MRNIP: variants seen among roughly 807,000 people sequenced by gnomAD.
MRNIP encodes the protein MRN complex interacting protein.
Under a neutral mutation model 29.8 loss-of-function variants are expected in MRNIP, and 30 were observed. The observed-to-expected ratio is 1.01, with a 90% CI of 0.75 to 1.36. The LOEUF (loss-of-function observed/expected upper bound fraction) is 1.36. Among genes scored for constraint, MRNIP ranks in the 40% most tolerant of loss-of-function variants. The pLI is 0.00. For synonymous variants in MRNIP, 201 were observed against 164.1 expected, an observed-to-expected ratio of 1.23 and a Z score of -1.72; for missense variants, 459 against 423.5, an observed-to-expected ratio of 1.08 and a Z score of -0.74.
chr5:179,845,424 C>CA (rs1244597657), intron 3 of MRNIP, among the ~76,000 whole-genome samples: 1 of 150,386 alleles, frequency 6.6e-6, no homozygotes, highest in Non-Finnish European at 1.5e-5. Flanking sequence ...GCTAGGATTA[C>CA]AGGCATGAGC....
intron 3 of MRNIP, among the ~76,000 whole-genome samples, chr5:179,846,688 C>T (rs1759144771): frequency 6.6e-6 from 1 of 152,172 alleles, no homozygotes; most frequent in Non-Finnish European, 1.5e-5. Flanking sequence ...CTGCTTGAGG[C>T]TTTTCACACA....
intron 5 of MRNIP, chr5:179,841,208 C>A: frequency 3.9e-6 from 2 of 518,548 alleles, no homozygotes; most frequent in Non-Finnish European, 6.9e-6. Flanking sequence ...TGCAATGGCT[C>A]ACTGCCGCCT....
At chr5:179,841,020 TC>T in intron 5 of MRNIP, 61 bp from the exon 6 acceptor site, 1 of 1,244,884 alleles carries the variant, frequency 8.0e-7, no homozygotes, top group Non-Finnish European at 1.1e-6. Context: ...CGAGCCTGAC[TC>T]CACGATCACA....
intron 4 of MRNIP, among the ~76,000 whole-genome samples, chr5:179,843,041 A>AG (rs1554093092): frequency 9.4e-6 from 1 of 106,294 alleles, no homozygotes; most frequent in Non-Finnish European, 1.8e-5. Context: ...AAAGGAGGAA[A>AG]GAAGGAAGGA....
chr5:179,849,331 G>GC (rs1388832772), intron 2 of MRNIP, among the ~76,000 whole-genome samples: 1 of 149,398 alleles, frequency 6.7e-6, no homozygotes, highest in East Asian at 2.0e-4. Flanking sequence ...TCCTGCTATG[G>GC]CACAGGCAGA....
Position 179,858,650 on chromosome 5 carries a change from G to A in MRNIP, c.66+81C>T, listed in dbSNP as rs943725566. 14 of 942,838 alleles carry A rather than the reference G, an allele frequency of 1.5e-5. No homozygotes were observed. In the Admixed American group the frequency reaches 3.5e-4, roughly 23 times the overall value. The allele number at this position is 942,838 out of a possible 1,614,324, so 58.4% of individuals were successfully genotyped here. A position where few individuals can be genotyped will look rare whatever the true frequency, so the allele number is the denominator to read the frequency against. On this transcript the variant is annotated intron_variant, in intron 1 of 6. Coordinates refer to ENST00000292586, the MANE Select transcript of MRNIP (RefSeq NM_016175.4). ...GGCCCGGTGCATCCCGGAGCCATTC[G>A]AGACAACACCCACAGCCCCGCCACT... is the stretch of plus-strand genomic sequence containing the variant.
intron 1 of MRNIP, among the ~76,000 whole-genome samples, chr5:179,858,194 TG>T (rs1205329101): frequency 1.6e-5 from 2 of 121,418 alleles, no homozygotes; most frequent in South Asian, 3.2e-4. Flanking sequence ...TCTGGCACGC[TG>T]AAAGTTAGGG....
intron 1 of MRNIP, among the ~76,000 whole-genome samples, chr5:179,856,968 T>C (rs1458546035): frequency 6.6e-6 from 1 of 152,050 alleles, no homozygotes; most frequent in Non-Finnish European, 1.5e-5. Flanking sequence ...CCCACACCTG[T>C]AGTACCAGCT....
At chr5:179,840,738 A>C in intron 6 of MRNIP, 134 bp downstream of exon 6, 1 of 711,286 alleles carries the variant, frequency 1.4e-6, no homozygotes, top group Non-Finnish European at 2.5e-6. Flanking sequence ...GACAGAAAAG[A>C]CAAGAAACCC....
chr5:179,851,550 T>C (rs1759366748), intron 2 of MRNIP: 1 of 427,030 alleles, frequency 2.3e-6, no homozygotes, highest in African/African-American at 2.0e-5. Flanking sequence ...GGGCTAGTTT[T>C]TCAAGGGACC....
intron 6 of MRNIP, chr5:179,838,155 A>T: frequency 1.9e-6 from 1 of 533,688 alleles, no homozygotes; most frequent in Non-Finnish European, 3.4e-6. Flanking sequence ...TCTCCTGGGG[A>T]CCTTAGAATC....
intron 5 of MRNIP, chr5:179,841,447 G>C (rs1758876263): frequency 5.7e-6 from 1 of 174,728 alleles, no homozygotes; most frequent in Non-Finnish European, 1.2e-5. Flanking sequence ...TGGTTTGAAA[G>C]CAGAATCTAC....
At chr5:179,857,045 C>T (rs941170325) in intron 1 of MRNIP, among the ~76,000 whole-genome samples, 2 of 152,142 alleles carry the variant, frequency 1.3e-5, no homozygotes, top group Non-Finnish European at 2.9e-5. Flanking sequence ...GTGATTGTTA[C>T]CACTGCACTC....
At chr5:179,841,045 C>G in intron 5 of MRNIP, 86 bp from the exon 6 acceptor site, 1 of 958,000 alleles carries the variant, frequency 1.0e-6, no homozygotes. Context: ...CCCACAGGCT[C>G]GGGTGGCCAC....
chr5:179,850,362 C>T (rs964457303), intron 2 of MRNIP, among the ~76,000 whole-genome samples: 9 of 152,194 alleles, frequency 5.9e-5, no homozygotes, highest in Admixed American at 3.9e-4. Context: ...GCCTTTGAAC[C>T]TGTGTTTTTT....
At chr5:179,845,897 C>A (rs940839264) in intron 3 of MRNIP, 1 of 152,204 alleles carries the variant, frequency 6.6e-6, no homozygotes, top group African/African-American at 2.4e-5. Flanking sequence ...GTTAGCTGAT[C>A]TGGATGGCTA....
At chr5:179,847,848 T>TGAC (rs1759197295) in intron 3 of MRNIP, 130 bp downstream of exon 3, 1 of 672,314 alleles carries the variant, frequency 1.5e-6, no homozygotes, top group Non-Finnish European at 2.6e-6. Context: ...GATGGCAAAG[T>TGAC]GACAGCAGGG....
At chr5:179,855,396 G>A (rs1759532756) in intron 1 of MRNIP, among the ~76,000 whole-genome samples, 1 of 152,116 alleles carries the variant, frequency 6.6e-6, no homozygotes, top group African/African-American at 2.4e-5. Flanking sequence ...CACCCAAAGT[G>A]CTGGGATTAA....
chr5:179,845,659 T>C (rs1048223429), intron 3 of MRNIP, among the ~76,000 whole-genome samples: 2 of 148,996 alleles, frequency 1.3e-5, no homozygotes, highest in Admixed American at 6.7e-5. Flanking sequence ...CCACACCCAA[T>C]TGACTTTTGT....
Sources: allele counts gnomAD v4.1 joint callset (sites outside exome capture counted in the v4.1 genomes callset), GRCh38; gene constraint gnomAD v4.1.1; transcripts MANE v1.5; gene names NCBI Gene and HGNC (gene_info 2026-07-23, HGNC 2026-07-21).